SLC35A5: variants seen among roughly 807,000 people sequenced by gnomAD.
SLC35A5 encodes the protein UDP-sugar transporter protein SLC35A5.
A neutral mutation model predicts 36.3 loss-of-function variants in SLC35A5; 28 were observed. The ratio of observed to expected loss-of-function variants is 0.77; its 90% CI spans 0.57 to 1.06. The LOEUF (loss-of-function observed/expected upper bound fraction) is 1.06. Among genes scored for constraint, SLC35A5 ranks in the 50% least tolerant of loss-of-function variants. The pLI is 0.00. For synonymous variants in SLC35A5, 180 were observed against 173.7 expected, an observed-to-expected ratio of 1.04 and a Z score of -0.29; for missense variants, 521 against 499.3, an observed-to-expected ratio of 1.04 and a Z score of -0.41.
intron 5 of SLC35A5, among the ~76,000 whole-genome samples, chr3:112,576,214 G>A (rs1313432710): frequency 1.3e-5 from 2 of 151,120 alleles, no homozygotes; most frequent in East Asian, 1.9e-4. Context: ...TGCAACCTCC[G>A]CCTCCTGGGT....
At chr3:112,569,020 A>C in intron 2 of SLC35A5, 151 bp from the exon 3 acceptor site, 1 of 615,690 alleles carries the variant, frequency 1.6e-6, no homozygotes, top group Non-Finnish European at 2.7e-6. Flanking sequence ...TGAATTGATT[A>C]AAAAATCCAA....
chr3:112,561,330 T>C, upstream of SLC35A5: 6 of 937,324 alleles, frequency 6.4e-6, no homozygotes, highest in Non-Finnish European at 1.0e-5. Context: ...CACACTTCCC[T>C]GTGTCTCGAG....
intron 4 of SLC35A5, 96 bp from the exon 5 acceptor site, chr3:112,573,793 C>CA: frequency 1.0e-6 from 1 of 995,242 alleles, no homozygotes; most frequent in Non-Finnish European, 1.5e-6. Context: ...GTTTTTTGAC[C>CA]AAAAAGCTTT....
At chr3:112,562,471 G>T (rs1405100997) in intron 1 of SLC35A5, among the ~76,000 whole-genome samples, 198 bp downstream of exon 1, 1 of 152,196 alleles carries the variant, frequency 6.6e-6, no homozygotes, top group Non-Finnish European at 1.5e-5. Context: ...CCCACTCCCC[G>T]CAGGCTCTAT....
chr3:112,571,358 T>G (rs573075455), intron 4 of SLC35A5, among the ~76,000 whole-genome samples: 29 of 152,354 alleles, frequency 1.9e-4, no homozygotes, highest in African/African-American at 6.7e-4. Flanking sequence ...CTTTAATATT[T>G]TATAAAATGA....
At position 112,570,591 on chromosome 3, in the gene SLC35A5, T is replaced by A; in HGVS notation, c.281T>A (p.Phe94Tyr). 6.2e-7 allele frequency: 1 copy of A among 1,613,214 alleles called. No individual in the cohort carries two copies. The highest frequency in any genetic ancestry group is 1.1e-5 in the South Asian group (1 of 90,942). ...KYASWKEFSDFMKWSIPAFLY... is the reference protein window; with the variant it reads ...KYASWKEFSDYMKWSIPAFLY... ...GCTTCCTGGAAGGAATTCTCTGATTTCATGAAGTGGTCCATTCCTGCCTTT... is the reference window on the plus strand; with the variant it reads ...GCTTCCTGGAAGGAATTCTCTGATTACATGAAGTGGTCCATTCCTGCCTTT... Residue 94 changes from phenylalanine (F) to tyrosine (Y), a missense_variant, in exon 4 of 7, where the codon TTC becomes TAC. Phe to Tyr is a conservative substitution (Grantham distance 22). Transcript: ENST00000492406.
chr3:112,561,606 G>A (rs1286256863), upstream of SLC35A5: 2 of 1,427,400 alleles, frequency 1.4e-6, no homozygotes, highest in South Asian at 1.2e-5. Context: ...GTCAGAAAAT[G>A]TCCTCGCTGC....
intron 2 of SLC35A5, among the ~76,000 whole-genome samples, chr3:112,565,495 G>A (rs1049627029): frequency 1.3e-5 from 2 of 152,106 alleles, no homozygotes; most frequent in Non-Finnish European, 2.9e-5. Context: ...TTAAGGACTC[G>A]TAGCCAGGCA....
chr3:112,564,566 T>C (rs932117531), intron 2 of SLC35A5, among the ~76,000 whole-genome samples: 1 of 152,156 alleles, frequency 6.6e-6, no homozygotes, highest in Admixed American at 6.5e-5. Context: ...GCCTTCCTCT[T>C]GTCTCAACTG....
At chr3:112,577,500 C>T (rs1330129628) in intron 5 of SLC35A5, among the ~76,000 whole-genome samples, 1 of 152,112 alleles carries the variant, frequency 6.6e-6, no homozygotes. Flanking sequence ...AGCTTGCTTC[C>T]CTGGTTTGCT....
At chr3:112,582,631 C>A in intron 6 of SLC35A5, 40 bp from the exon 7 acceptor site, 2 of 1,322,294 alleles carry the variant, frequency 1.5e-6, no homozygotes, top group Non-Finnish European at 2.1e-6. Context: ...TGCTACATTT[C>A]CAGTTTTGTT....
Position 112,570,565 on chromosome 3 carries a change from T to C in SLC35A5, c.255T>C (p.Tyr85=), listed in dbSNP as rs1486818797. 1.9e-6 allele frequency: 3 copies of C among 1,608,244 alleles called. No homozygotes were observed. The highest frequency in any genetic ancestry group is 2.2e-5 in the East Asian group (1 of 44,714). ...ATCATCAAAGTAGAAATTTGAAATA[T>C]GCTTCCTGGAAGGAATTCTCTGATT... is the stretch of plus-strand genomic sequence containing the variant. ...KKDHQSRNLK[Y]ASWKEFSDFM... Residue 85 remains tyrosine (Y), a synonymous_variant, in exon 4 of 7, where the codon TAT becomes TAC. Transcript: ENST00000492406.
chr3:112,561,554 C>A (rs1352531747), upstream of SLC35A5: 1 of 1,601,478 alleles, frequency 6.2e-7, no homozygotes, highest in South Asian at 1.1e-5. Context: ...GCGGCCGGCC[C>A]CGCGACGGGA....
intron 1 of SLC35A5, 133 bp from the exon 2 acceptor site, chr3:112,563,252 C>A: frequency 1.8e-6 from 1 of 546,696 alleles, no homozygotes; most frequent in Non-Finnish European, 2.9e-6. Context: ...TTTCTTTATG[C>A]CTCAACTTTC....
In SLC35A5 at chr3:112,573,954, G is replaced by A; in HGVS notation, c.426G>A (p.Leu142=). 3 of 1,611,006 alleles carry A rather than the reference G, an allele frequency of 1.9e-6. No individual in the cohort carries two copies. The highest frequency in any genetic ancestry group is 2.5e-6 in the Non-Finnish European group (3 of 1,177,528). ...ITTALLFRIV[L]KRRLNWIQWA... is the part of the protein sequence containing the mutation. ...CAGCTCTTCTATTCAGGATAGTGCT[G>A]AAGTAAGTAACTTGCTGTGAAAACA... The change falls in exon 5 of 7, where the codon CTG becomes CTA. Residue 142 remains leucine (L), a splice_region_variant and synonymous_variant. Transcript: ENST00000492406.
intron 5 of SLC35A5, among the ~76,000 whole-genome samples, chr3:112,575,133 T>G (rs1212796342): frequency 6.6e-6 from 1 of 152,138 alleles, no homozygotes; most frequent in African/African-American, 2.4e-5. Context: ...TGTGATAGAT[T>G]AGCGATGTAC....
chr3:112,566,177 G>T (rs1934189008), intron 2 of SLC35A5, among the ~76,000 whole-genome samples: 1 of 152,210 alleles, frequency 6.6e-6, no homozygotes, highest in Non-Finnish European at 1.5e-5. Flanking sequence ...CAAGGTTTCT[G>T]GTTTGAATGC....
intron 6 of SLC35A5, among the ~76,000 whole-genome samples, chr3:112,581,811 C>G (rs1013962278): frequency 3.3e-5 from 5 of 152,174 alleles, no homozygotes; most frequent in Non-Finnish European, 7.3e-5. Flanking sequence ...GCTCCTCAGT[C>G]CTCCCTGTGG....
Position 112,583,281 on chromosome 3 carries a change from G to A in SLC35A5, c.*545G>A, listed in dbSNP as rs887630387. The A allele has an allele frequency of 5.1e-6, 2 of 395,604 alleles. No homozygotes were observed. Among genetic ancestry groups the A allele is most frequent in the Non-Finnish European group, 8.9e-6 (2 of 224,430 alleles). The allele number at this position is 395,604 out of a possible 1,614,324, so 24.5% of individuals were successfully genotyped here. A position where few individuals can be genotyped will look rare whatever the true frequency, so the allele number is the denominator to read the frequency against. On this transcript the variant is annotated 3_prime_UTR_variant, in exon 7 of 7. Coordinates refer to ENST00000492406, the MANE Select transcript of SLC35A5 (RefSeq NM_017945.5). ...GGCCATACCATAGATTTGGGATGAT[G>A]TAGTCTGTGCTAAATATTTTGCTGA...
Sources: gnomAD v4.1 joint callset for allele counts (sites outside exome capture counted in the v4.1 genomes callset) on GRCh38, gnomAD v4.1.1 for gene constraint, MANE v1.5 for transcripts, NCBI Gene and HGNC (gene_info 2026-07-23, HGNC 2026-07-21) for gene names.